Variants in TPD52 observed in about 807,000 individuals in gnomAD.
The protein encoded by TPD52 is tumor protein D52.
TPD52 carries 17 observed loss-of-function variants against 31.3 expected under a neutral mutation model. That is an observed-to-expected ratio of 0.54 (90% CI 0.37 to 0.82). The LOEUF is 0.82. Among genes scored for constraint, TPD52 ranks in the 40% least tolerant of loss-of-function variants. The pLI is 0.00. For missense variants in TPD52, 212 were observed against 240.1 expected (o/e 0.88, Z 0.77); for synonymous variants, 83 against 89.6 (o/e 0.93, Z 0.42).
chr8:80,077,094 G>A (rs1247890777), intron 1 of TPD52, among the ~76,000 whole-genome samples: 1 of 151,968 alleles, frequency 6.6e-6, no homozygotes, highest in Non-Finnish European at 1.5e-5. Flanking sequence ...CGCCAATATG[G>A]TGAAACCCCG....
chr8:80,092,504 G>A (rs1459531604), intron 1 of TPD52, among the ~76,000 whole-genome samples: 1 of 152,140 alleles, frequency 6.6e-6, no homozygotes, highest in African/African-American at 2.4e-5. Context: ...ATTCACAATA[G>A]CAATGATATG....
chr8:80,053,781 C>T (rs927071956), intron 2 of TPD52, among the ~76,000 whole-genome samples: 8 of 152,134 alleles, frequency 5.3e-5, no homozygotes, highest in African/African-American at 1.4e-4. Context: ...CTCTCCCGAC[C>T]TGTGGGTCTG....
chr8:80,163,015 G>A (rs1811464461), intron 1 of TPD52, among the ~76,000 whole-genome samples: 1 of 152,170 alleles, frequency 6.6e-6, no homozygotes, highest in African/African-American at 2.4e-5. Flanking sequence ...GAATCCTTGT[G>A]TACTGTTGGT....
intron 1 of TPD52, among the ~76,000 whole-genome samples, chr8:80,107,751 G>GT (rs74275133): frequency 2.9e-4 from 43 of 148,816 alleles, no homozygotes; most frequent in South Asian, 1.1e-3. Context: ...CCAAATGTGT[G>GT]TTTTTTTTTT....
At chr8:80,094,074 G>A (rs371848676) in intron 1 of TPD52, among the ~76,000 whole-genome samples, 1 of 151,934 alleles carries the variant, frequency 6.6e-6, no homozygotes, top group Non-Finnish European at 1.5e-5. Flanking sequence ...ATAAAACATC[G>A]CTATCAAACA....
chr8:80,080,422 T>C, intron 1 of TPD52: 2 of 1,614,174 alleles, frequency 1.2e-6, no homozygotes, highest in East Asian at 2.2e-5. Context: ...GGACTGGTAG[T>C]CCTCATATAA....
chr8:80,080,420 A>G, intron 1 of TPD52: 1 of 1,614,226 alleles, frequency 6.2e-7, no homozygotes, highest in South Asian at 1.1e-5. Context: ...GGGGACTGGT[A>G]GTCCTCATAT....
chr8:80,146,689 A>G (rs1810219341), intron 1 of TPD52, among the ~76,000 whole-genome samples: 2 of 152,254 alleles, frequency 1.3e-5, no homozygotes, highest in African/African-American at 4.8e-5. Flanking sequence ...TAGTTAACAA[A>G]AAATACTGGA....
At chr8:80,164,898 C>CAAAAAAAAAAAAAAAAAAAAA (rs34027501) in intron 1 of TPD52, among the ~76,000 whole-genome samples, 1 of 31,904 alleles carries the variant, frequency 3.1e-5, no homozygotes, top group African/African-American at 1.1e-4. Context: ...GACAATGTCT[C>CAAAAAAAAAAAAAAAAAAAAA]AAAAAAAAAA....
At chr8:80,047,071 T>C (rs1407240694) in intron 5 of TPD52, among the ~76,000 whole-genome samples, 2 of 152,206 alleles carry the variant, frequency 1.3e-5, no homozygotes, top group African/African-American at 4.8e-5. Flanking sequence ...AATCTTTTGA[T>C]GTTGGTGATC....
chr8:80,101,848 A>T (rs985464196), intron 1 of TPD52, among the ~76,000 whole-genome samples: 60 of 152,324 alleles, frequency 3.9e-4, no homozygotes, highest in African/African-American at 1.4e-3. Flanking sequence ...AACACCGGGG[A>T]GTATCACATT....
At chr8:80,042,420 G>T in intron 7 of TPD52, 200 bp downstream of exon 7, 1 of 985,454 alleles carries the variant, frequency 1.0e-6, no homozygotes, top group Non-Finnish European at 1.2e-6. Context: ...CATGTGGCAT[G>T]CTGCCACACT....
chr8:80,160,405 G>A (rs980918372), intron 1 of TPD52, among the ~76,000 whole-genome samples: 43 of 152,114 alleles, frequency 2.8e-4, no homozygotes, highest in Admixed American at 1.4e-3. Flanking sequence ...ATAATATGTA[G>A]AAAATTAGTA....
intron 1 of TPD52, among the ~76,000 whole-genome samples, chr8:80,118,166 G>T (rs1180669711): frequency 2.7e-5 from 4 of 149,784 alleles, no homozygotes; most frequent in South Asian, 2.1e-4. Context: ...CACAGTTAAG[G>T]TTAATTGATT....
chr8:80,163,048 A>G (rs1204605392), intron 1 of TPD52, among the ~76,000 whole-genome samples: 1 of 152,232 alleles, frequency 6.6e-6, no homozygotes, highest in African/African-American at 2.4e-5. Context: ...TGGTAAAGCT[A>G]TTATGGAAAA....
At chr8:80,136,581 G>A (rs1809452100) in intron 1 of TPD52, among the ~76,000 whole-genome samples, 2 of 143,762 alleles carry the variant, frequency 1.4e-5, no homozygotes. Context: ...AGAACATGAA[G>A]GACATTTTGG....
intron 1 of TPD52, among the ~76,000 whole-genome samples, chr8:80,125,196 G>A (rs1009537196): frequency 2.6e-5 from 4 of 152,212 alleles, no homozygotes; most frequent in Non-Finnish European, 4.4e-5. Context: ...CCTCAGCCCT[G>A]CACAGTGGCT....
chr8:80,161,139 G>T (rs1811335855), intron 1 of TPD52, among the ~76,000 whole-genome samples: 1 of 152,144 alleles, frequency 6.6e-6, no homozygotes, highest in African/African-American at 2.4e-5. Context: ...TGTTTATGAA[G>T]TATTTATTGA....
intron 1 of TPD52, among the ~76,000 whole-genome samples, chr8:80,100,209 A>T (rs1306364654): frequency 6.6e-6 from 1 of 152,250 alleles, no homozygotes; most frequent in Non-Finnish European, 1.5e-5. Context: ...AGAAGGGGGC[A>T]AAGTGACACA....
Sources: allele counts gnomAD v4.1 joint callset (sites outside exome capture counted in the v4.1 genomes callset), GRCh38; gene constraint gnomAD v4.1.1; transcripts MANE v1.5; gene names NCBI Gene and HGNC (gene_info 2026-07-23, HGNC 2026-07-21).